The following GPR161 variants were observed in gnomAD, a reference collection of about 807,000 sequenced individuals.
GPR161 encodes G-protein coupled receptor RE2.
A neutral mutation model predicts 39.2 loss-of-function variants in GPR161; 25 were observed. That is an observed-to-expected ratio of 0.64 (90% CI 0.47 to 0.89). GPR161 has a LOEUF of 0.89. Ranked by LOEUF, GPR161 falls within the 40% of genes least tolerant of loss-of-function variation. GPR161 has a pLI of 0.00. For missense variants in GPR161, 547 were observed against 677.8 expected (o/e 0.81, Z 2.14); for synonymous variants, 286 against 276.6 (o/e 1.03, Z -0.34).
Position 168,097,695 on chromosome 1 carries a change from A to C in GPR161, c.375-463T>G, listed in dbSNP as rs773301922. On this transcript the variant is annotated intron_variant, in intron 2 of 5. Transcript: ENST00000682931. Reference sequence around the variant, plus strand: ...TTTACCAAAGGCTTGCGATGTGCCAAGCACCGCGCTACCTCCTGGAAATGC... The same window carrying C: ...TTTACCAAAGGCTTGCGATGTGCCACGCACCGCGCTACCTCCTGGAAATGC... 9.3e-4 allele frequency among the ~76,000 whole-genome samples: 141 copies of C among 152,212 alleles called. 2 individuals are homozygous for C. Among genetic ancestry groups the C allele is most frequent in the Non-Finnish European group, 2.8e-4 (19 of 68,030 alleles).
upstream of GPR161, chr1:168,137,426 C>G (rs1309287487): frequency 6.6e-7 from 1 of 1,524,452 alleles, no homozygotes; most frequent in Middle Eastern, 1.7e-4. Flanking sequence ...GAGCATCCAT[C>G]TGCCTTCTGC....
chr1:168,135,991 C>T, intron 1 of GPR161: 2 of 1,202,928 alleles, frequency 1.7e-6, no homozygotes, highest in Non-Finnish European at 2.1e-6. Flanking sequence ...CCGGGAAGCA[C>T]AGGACACACC....
chr1:168,125,029 T>C (rs188283725), intron 1 of GPR161, among the ~76,000 whole-genome samples: 2 of 152,364 alleles, frequency 1.3e-5, no homozygotes, highest in East Asian at 3.9e-4. Context: ...AATGGACTAA[T>C]AACCAGAATG....
chr1:168,089,716 A>G (rs558945147), intron 4 of GPR161, among the ~76,000 whole-genome samples: 2 of 129,798 alleles, frequency 1.5e-5, no homozygotes, highest in Non-Finnish European at 3.3e-5. Context: ...TTCCTCAGCA[A>G]TGTGGAGCCA....
chr1:168,086,713 A>C (rs142066804), intron 5 of GPR161, among the ~76,000 whole-genome samples: 1 of 152,328 alleles, frequency 6.6e-6, no homozygotes, highest in East Asian at 1.9e-4. Flanking sequence ...ATAGAAAGGC[A>C]ATATATTATA....
rs1006731893 is a variant in GPR161 at position 168,135,967 on chromosome 1, T to C, written c.-45+772A>G. ...TGCCAATGCGCAGCTATGTGGTTAC[T>C]GGTGAGCAGACCTCCGGGAAGCACA... On this transcript the variant is annotated intron_variant, in intron 1 of 5. Transcript: ENST00000682931. 4.7e-6 allele frequency: 5 copies of C among 1,058,928 alleles called. No individual in the cohort carries two copies. The Admixed American group carries it at 2.2e-4, about 47-fold the overall frequency. The allele number at this position is 1,058,928 out of a possible 1,614,324, so 65.6% of individuals were successfully genotyped here.
At chr1:168,097,308 C>T in intron 2 of GPR161, 76 bp from the exon 3 acceptor site, 1 of 1,457,008 alleles carries the variant, frequency 6.9e-7, no homozygotes, top group Non-Finnish European at 9.3e-7. Context: ...GCGTCAGGGG[C>T]TCCCATGACT....
intron 2 of GPR161, among the ~76,000 whole-genome samples, chr1:168,103,531 G>A (rs536677101): frequency 2.7e-4 from 41 of 152,160 alleles, no homozygotes; most frequent in African/African-American, 9.2e-4. Context: ...TCCAGCCTCA[G>A]GTCTAGGTGC....
chr1:168,084,712 T>G lies in GPR161; in HGVS notation c.*819A>C. On this transcript the variant is annotated 3_prime_UTR_variant, in exon 6 of 6. Transcript: ENST00000682931. Reference sequence around the variant, plus strand: ...TAACAGTTTCTCTATTTCCTGGCTGTGCTTGGCACTACAGTCCCATTCAGT... The same window carrying G: ...TAACAGTTTCTCTATTTCCTGGCTGGGCTTGGCACTACAGTCCCATTCAGT... The G allele has an allele frequency of 2.5e-6, 1 of 396,262 alleles. No individual in the cohort carries two copies. The highest frequency in any genetic ancestry group is 7.1e-5 in the East Asian group (1 of 14,058). 24.5% of individuals were successfully genotyped at this position (396,262 alleles called of 1,614,324 possible).
intron 5 of GPR161, among the ~76,000 whole-genome samples, chr1:168,087,346 T>G (rs1368509317): frequency 1.3e-5 from 2 of 152,072 alleles, no homozygotes; most frequent in Non-Finnish European, 2.9e-5. Context: ...TGTGTGTGTG[T>G]GTGTGTGTGT....
chr1:168,104,896 T>C lies in GPR161; in HGVS notation c.-44-2A>G, dbSNP rs1217407616. 4 of 1,601,454 alleles carry C rather than the reference T, an allele frequency of 2.5e-6. No homozygotes were observed. The highest frequency in any genetic ancestry group is 3.4e-5 in the Admixed American group (2 of 59,466). On this transcript the variant is annotated splice_acceptor_variant, in intron 1 of 5. Transcript: ENST00000682931. LOFTEE classifies it low-confidence loss of function (5UTR_SPLICE). ...GGGTGGGCAGAGCATGCTGGACGAC[T>C]GGAAAGATAAGGCAGGACCAGGGGA...
intron 1 of GPR161, among the ~76,000 whole-genome samples, chr1:168,120,582 G>A (rs961609466): frequency 3.3e-5 from 5 of 152,084 alleles, no homozygotes; most frequent in Non-Finnish European, 5.9e-5. Flanking sequence ...GGGAGGGGCC[G>A]GGGGAAGAAT....
At chr1:168,093,882 T>G (rs1390300848) in intron 3 of GPR161, among the ~76,000 whole-genome samples, 1 of 152,248 alleles carries the variant, frequency 6.6e-6, no homozygotes, top group African/African-American at 2.4e-5. Flanking sequence ...CTCTTACTGA[T>G]GCTGCTGCCT....
intron 2 of GPR161, among the ~76,000 whole-genome samples, 176 bp from the exon 3 acceptor site, chr1:168,097,408 TCTTTAA>T (rs1188057831): frequency 6.6e-6 from 1 of 152,088 alleles, no homozygotes; most frequent in Admixed American, 6.5e-5. Flanking sequence ...TCTGCAGAGC[TCTTTAA>T]CAGAGAAGAG....
chr1:168,108,380 C>A (rs1349198893), intron 1 of GPR161, among the ~76,000 whole-genome samples: 2 of 150,140 alleles, frequency 1.3e-5, no homozygotes, highest in Admixed American at 1.3e-4. Flanking sequence ...CCATTGCACA[C>A]CCTTGGCCCA....
In GPR161 at chr1:168,126,643, G is replaced by T. The variant is rs201092899; in HGVS notation, c.-45+10096C>A. ...ATTTTTGTACTGTTTTTGTAAAGAG[G>T]GGGTTTTGCTATGTTACCCAGGCTG... On this transcript the variant is annotated intron_variant, in intron 1 of 5. Transcript: ENST00000682931. 2.6e-5 allele frequency among the ~76,000 whole-genome samples: 4 copies of T among 152,132 alleles called. No homozygotes were observed. In the East Asian group the frequency reaches 7.7e-4, roughly 29 times the overall value.
At position 168,135,034 on chromosome 1, in the gene GPR161, A is replaced by G. The variant is rs76821643; in HGVS notation, c.-45+1705T>C. 6.4e-4 allele frequency: 980 copies of G among 1,520,468 alleles called. 12 individuals are homozygous for G. In the East Asian group the frequency reaches 0.02, roughly 30 times the overall value. 94.2% of individuals were successfully genotyped at this position (1,520,468 alleles called of 1,614,324 possible). A position where few individuals can be genotyped will look rare whatever the true frequency, so the allele number is the denominator to read the frequency against. On this transcript the variant is annotated intron_variant, in intron 1 of 5. Transcript: ENST00000682931. The stretch of plus-strand genomic sequence containing the variant: ...CCTCTCAGAGGACGCACAGTGCACC[A>G]GGCTGCAACACAAAGAGAACGGTTC...
Position 168,080,234 on chromosome 1 carries a change from A to G in GPR161, c.*5297T>C, listed in dbSNP as rs1393858927. On this transcript the variant is annotated 3_prime_UTR_variant, in exon 6 of 6. Coordinates refer to ENST00000682931, the MANE Select transcript of GPR161 (RefSeq NM_001375883.1). Reference sequence around the variant, plus strand: ...AAGATCCTTGGTTTATAATAGTTCTACATACCTAATAAAGCCCTGCTGGCC... The same window carrying G: ...AAGATCCTTGGTTTATAATAGTTCTGCATACCTAATAAAGCCCTGCTGGCC... The G allele has an allele frequency of 6.6e-6, 1 of 152,138 alleles. No individual in the cohort carries two copies. The highest frequency in any genetic ancestry group is 2.4e-5 in the African/African-American group (1 of 41,432). 9.4% of individuals were successfully genotyped at this position (152,138 alleles called of 1,614,324 possible).
At chr1:168,103,174 C>T (rs530966355) in intron 2 of GPR161, among the ~76,000 whole-genome samples, 1 of 152,110 alleles carries the variant, frequency 6.6e-6, no homozygotes. Context: ...GGATGGAATA[C>T]CTCGTAACCA....
Sources: gnomAD v4.1 joint callset for allele counts (sites outside exome capture counted in the v4.1 genomes callset) on GRCh38, gnomAD v4.1.1 for gene constraint, MANE v1.5 for transcripts, NCBI Gene and HGNC (gene_info 2026-07-23, HGNC 2026-07-21) for gene names.